STK11IP: variants seen among roughly 807,000 people sequenced by gnomAD.
The protein encoded by STK11IP is serine/threonine-protein kinase 11-interacting protein.
A neutral mutation model predicts 131.7 loss-of-function variants in STK11IP; 103 were observed. That is an observed-to-expected ratio of 0.78 (90% CI 0.67 to 0.92). STK11IP has a LOEUF of 0.92. Among genes scored for constraint, STK11IP ranks in the 40% least tolerant of loss-of-function variants. The pLI, the probability that STK11IP is intolerant of heterozygous loss-of-function variation, is 0.00. For missense variants in STK11IP, 1,315 were observed against 1,385.7 expected (o/e 0.95, Z 0.81); for synonymous variants, 557 against 575.6 (o/e 0.97, Z 0.46).
At position 219,601,449 on chromosome 2, in the gene STK11IP, T is replaced by G. The variant is rs1298706388; in HGVS notation, c.267+9T>G. The G allele has an allele frequency of 6.2e-7, 1 of 1,613,862 alleles. No homozygotes were observed. The highest frequency in any genetic ancestry group is 8.5e-7 in the Non-Finnish European group (1 of 1,179,822). On this transcript the variant is annotated intron_variant, in intron 3 of 24. Transcript: ENST00000456909. ...AAACACTTTCACTCAAGGTTCTGGG[T>G]GTGGGGAAGAGGCAGGATGTGCAAG... is the stretch of plus-strand genomic sequence containing the variant.
chr2:219,599,583 A>G (rs532104093), intron 2 of STK11IP, among the ~76,000 whole-genome samples: 1 of 152,346 alleles, frequency 6.6e-6, no homozygotes, highest in East Asian at 1.9e-4. Context: ...TCAGTGATGA[A>G]TGGTGGGTGT....
intron 17 of STK11IP, 110 bp downstream of exon 17, chr2:219,609,650 T>C (rs771897836): frequency 1.6e-6 from 2 of 1,278,836 alleles, no homozygotes; most frequent in Non-Finnish European, 2.2e-6. Flanking sequence ...GGGGCTAGAG[T>C]GGAGAGCAGT....
At chr2:219,612,086 C>A in intron 19 of STK11IP, 28 bp downstream of exon 19, 2 of 1,565,446 alleles carry the variant, frequency 1.3e-6, no homozygotes, top group Non-Finnish European at 8.7e-7. Flanking sequence ...CTGCCCATGC[C>A]CCCAGCTGTC....
intron 7 of STK11IP, 64 bp downstream of exon 7, chr2:219,602,840 T>C: frequency 3.3e-6 from 5 of 1,497,274 alleles, no homozygotes; most frequent in Non-Finnish European, 4.6e-6. Flanking sequence ...TCTCACTCTC[T>C]CTCCTTGACC....
chr2:219,614,453 T>C, intron 22 of STK11IP, 23 bp from the exon 23 acceptor site: 1 of 1,612,616 alleles, frequency 6.2e-7, no homozygotes, highest in African/African-American at 1.3e-5. Flanking sequence ...CTGATCTTCC[T>C]GTGCCTGCCA....
In STK11IP at chr2:219,598,015, C is replaced by T. The variant is rs1574607742; in HGVS notation, c.-26-79C>T. ...TTCTCGCCTTTTTCTCCGCATGACG[C>T]CTCGGTTTGCGCGGACGCCCTGGGC... On this transcript the variant is annotated intron_variant, in intron 1 of 24. Coordinates refer to ENST00000456909, the MANE Select transcript of STK11IP (RefSeq NM_052902.4). The T allele has an allele frequency of 7.0e-6, 11 of 1,575,936 alleles. No homozygotes were observed. In the East Asian group the frequency reaches 1.9e-4, roughly 27 times the overall value.
intron 23 of STK11IP, chr2:219,614,806 C>T (rs369790828): frequency 5.4e-5 from 35 of 650,370 alleles, no homozygotes; most frequent in Admixed American, 9.3e-5. Flanking sequence ...AGTGGAGCAG[C>T]GTGGCTGAGT....
Position 219,616,128 on chromosome 2 carries a change from T to A in STK11IP, c.3202T>A (p.Trp1068Arg). Residue 1068 changes from tryptophan to arginine, a missense_variant, in exon 25 of 25, where the codon TGG (tryptophan) becomes AGG (arginine). Coordinates refer to ENST00000456909, the MANE Select transcript of STK11IP (RefSeq NM_052902.4). ...CCTGCTTGCCTGGATCCGGGAACCA[T>A]GGGAGGAGCTGTTTTCCATCGGACT... ...TALLAWIREP[W>R]EELFSIGLRT... 1 of 1,613,814 alleles carries A rather than the reference T, an allele frequency of 6.2e-7. No individual in the cohort carries two copies. Among genetic ancestry groups the A allele is most frequent in the Non-Finnish European group, 8.5e-7 (1 of 1,179,880 alleles).
intron 2 of STK11IP, among the ~76,000 whole-genome samples, chr2:219,599,187 G>A (rs1201714116): frequency 6.6e-6 from 1 of 152,012 alleles, no homozygotes; most frequent in South Asian, 2.1e-4. Context: ...CTCCTGGGAC[G>A]AAGTGATTCT....
In STK11IP at chr2:219,609,557, T is replaced by G; in HGVS notation, c.2104+17T>G. 2 of 1,553,330 alleles carry G rather than the reference T, an allele frequency of 1.3e-6. No individual in the cohort carries two copies. Among genetic ancestry groups the G allele is most frequent in the Non-Finnish European group, 1.7e-6 (2 of 1,148,106 alleles). ...AAAAGACAGGTACAAGTCCTGCCCT[T>G]GACCTCTCTGCCCACACGCCTCCCC... On this transcript the variant is annotated intron_variant, in intron 17 of 24. Coordinates refer to ENST00000456909, the MANE Select transcript of STK11IP (RefSeq NM_052902.4).
At position 219,611,585 on chromosome 2, in the gene STK11IP, G is replaced by A. The variant is rs758034718; in HGVS notation, c.2105-19G>A. The A allele has an allele frequency of 1.3e-5, 20 of 1,593,546 alleles. No individual in the cohort carries two copies. Among genetic ancestry groups the A allele is most frequent in the East Asian group, 2.2e-5 (1 of 44,642 alleles). On this transcript the variant is annotated intron_variant, in intron 17 of 24. Coordinates refer to ENST00000456909, the MANE Select transcript of STK11IP (RefSeq NM_052902.4). Reference sequence around the variant, plus strand: ...ACTGTGGGGGGGGCTCATGGGGACCGTGTCCATCCTCCCTCCAGAATCTCC... The same window carrying A: ...ACTGTGGGGGGGGCTCATGGGGACCATGTCCATCCTCCCTCCAGAATCTCC...
intron 20 of STK11IP, 120 bp from the exon 21 acceptor site, chr2:219,613,632 G>A: frequency 9.0e-7 from 1 of 1,115,238 alleles, no homozygotes; most frequent in Non-Finnish European, 1.3e-6. Flanking sequence ...GGGAAGATGG[G>A]GTGTGGTGAG....
At position 219,597,859 on chromosome 2, in the gene STK11IP, T is replaced by C. The variant is rs1697838964; in HGVS notation, c.-91T>C. ...GCTCGATTTTCTTCCGGGGCGGGAC[T>C]TCCTTTCCATCATTGATAGGCGCCG... is the stretch of plus-strand genomic sequence containing the variant. On this transcript the variant is annotated 5_prime_UTR_variant, in exon 1 of 25. Transcript: ENST00000456909. 1.3e-6 allele frequency: 2 copies of C among 1,588,056 alleles called. 1 individual carries two copies. Among genetic ancestry groups the C allele is most frequent in the Admixed American group, 3.6e-5 (2 of 54,830 alleles).
chr2:219,606,907 G>A (rs753163413), intron 12 of STK11IP, 49 bp downstream of exon 12: 8 of 1,588,266 alleles, frequency 5.0e-6, no homozygotes, highest in Admixed American at 1.7e-5. Context: ...GTGTCTCTCC[G>A]GGGACTCTGG....
chr2:219,611,827 C>T lies in STK11IP; in HGVS notation c.2328C>T (p.Leu776=). ...PSTRDHGSWS[L]SPPPERCGLR... The stretch of plus-strand genomic sequence containing the variant: ...CCCGTGACCATGGTAGTTGGAGCCT[C>T]AGTCCCCGTGAGTATAGGCAAAACA... The change falls in exon 18 of 25, where the codon CTC becomes CTT. Residue 776 remains leucine (L), a synonymous_variant. Coordinates refer to ENST00000456909, the MANE Select transcript of STK11IP (RefSeq NM_052902.4). The T allele has an allele frequency of 6.2e-7, 1 of 1,611,768 alleles. No individual in the cohort carries two copies.
intron 17 of STK11IP, among the ~76,000 whole-genome samples, chr2:219,610,992 C>T (rs1698378328): frequency 6.6e-6 from 1 of 152,148 alleles, no homozygotes; most frequent in Admixed American, 6.5e-5. Context: ...TAGCGCATGC[C>T]CATCACGGTG....
chr2:219,613,748 A>G lies in STK11IP; in HGVS notation c.2538-4A>G. 6.2e-7 allele frequency: 1 copy of G among 1,612,258 alleles called. No homozygotes were observed. The highest frequency in any genetic ancestry group is 8.5e-7 in the Non-Finnish European group (1 of 1,179,602). On this transcript the variant is annotated splice_region_variant and splice_polypyrimidine_tract_variant and intron_variant, in intron 20 of 24. Transcript: ENST00000456909. ...CTCCATTGCTCTGTCCCCTCTCTCC[A>G]CAGTGAGCCTCCAGCTAGCTGGCTG...
rs1363604817 is a variant in STK11IP at position 219,606,720 on chromosome 2, A to G, written c.996A>G (p.Thr332=). The G allele has an allele frequency of 1.2e-6, 2 of 1,608,756 alleles. No homozygotes were observed. The highest frequency in any genetic ancestry group is 2.2e-5 in the South Asian group (2 of 90,778). The part of the protein sequence containing the change: ...VLSLTDFQTH[T]SLGLSPMGPP... ...CTGTCGTCACGTGCCAGACTCACAC[A>G]TCCTTGGGGCTCAGCCCCATGGGCC... Residue 332 remains threonine (T), a synonymous_variant, in exon 12 of 25, where the codon ACA becomes ACG. Transcript: ENST00000456909.
intron 22 of STK11IP, 113 bp downstream of exon 22, chr2:219,614,355 G>T (rs931957994): frequency 2.7e-6 from 4 of 1,508,134 alleles, no homozygotes; most frequent in Non-Finnish European, 3.7e-6. Context: ...CTCATGCCAT[G>T]CCCCTTATGG....
Sources: gnomAD v4.1 joint callset for allele counts (sites outside exome capture counted in the v4.1 genomes callset) on GRCh38, gnomAD v4.1.1 for gene constraint, MANE v1.5 for transcripts, NCBI Gene and HGNC (gene_info 2026-07-23, HGNC 2026-07-21) for gene names.